Variants in HGFAC observed in about 807,000 individuals in gnomAD.
The protein encoded by HGFAC is HGF activator.
HGFAC carries 76 observed loss-of-function variants against 70.6 expected under a neutral mutation model. That is an observed-to-expected ratio of 1.08 (90% CI 0.89 to 1.30). The LOEUF (loss-of-function observed/expected upper bound fraction) is 1.30. Among genes scored for constraint, HGFAC ranks in the 50% most tolerant of loss-of-function variants. HGFAC has a pLI of 0.00. For synonymous variants in HGFAC, 464 were observed against 405.3 expected, an observed-to-expected ratio of 1.14 and a Z score of -1.74; for missense variants, 1,044 against 933.7, an observed-to-expected ratio of 1.12 and a Z score of -1.54.
rs751464206 is a variant in HGFAC, at chr4:3,447,522, G to C, written c.1386G>C (p.Leu462=). The part of the protein sequence containing the change: ...SPPRDSVSVV[L]GQHFFNRTTD... ...CCAGGGACAGCGTCTCCGTGGTGCT[G>C]GGCCAGCACTTCTTCAACCGCACGA... The change falls in exon 11 of 14, where the codon CTG becomes CTC. Residue 462 remains leucine (L), a synonymous_variant. Transcript: ENST00000382774. The C allele has an allele frequency of 6.2e-6, 10 of 1,612,562 alleles. No homozygotes were observed. In the African/African-American group the frequency reaches 8.0e-5, roughly 13 times the overall value.
chr4:3,443,092 A>G lies in HGFAC; in HGVS notation c.341A>G (p.Tyr114Cys). The change falls in exon 3 of 14, where the codon TAC (tyrosine) becomes TGC (cysteine). Residue 114 changes from tyrosine (Y) to cysteine (C), a missense_variant. Coordinates refer to ENST00000382774, the MANE Select transcript of HGFAC (RefSeq NM_001528.4). ...AGGCCCTGCAGGTTCCCCTTCCGCTACGGGGGCCGCATGCTGCATGCCTGC... is the reference window on the plus strand; with the variant it reads ...AGGCCCTGCAGGTTCCCCTTCCGCTGCGGGGGCCGCATGCTGCATGCCTGC... ...DGRPCRFPFR[Y>C]GGRMLHACTS... The G allele has an allele frequency of 6.3e-7, 1 of 1,598,496 alleles. No homozygotes were observed. Among genetic ancestry groups the G allele is most frequent in the South Asian group, 1.1e-5 (1 of 90,460 alleles).
intron 2 of HGFAC, 67 bp downstream of exon 2, chr4:3,442,979 TG>T: frequency 1.3e-6 from 2 of 1,548,264 alleles, no homozygotes; most frequent in South Asian, 2.3e-5. Flanking sequence ...GGAGCATGGC[TG>T]CGGCTGGAGG....
intron 2 of HGFAC, 29 bp from the exon 3 acceptor site, chr4:3,443,021 G>T: frequency 6.4e-6 from 10 of 1,566,942 alleles, no homozygotes; most frequent in Non-Finnish European, 8.7e-6. Context: ...CCTCGAGGGA[G>T]CCCTGACCCT....
chr4:3,445,062 C>G lies in HGFAC; in HGVS notation c.1016+69C>G, dbSNP rs529061927. On this transcript the variant is annotated intron_variant, in intron 8 of 13. Transcript: ENST00000382774. Reference sequence around the variant, plus strand: ...GGATTTGTCCTGGGGAGAGGCCCCCCGGCTCCCTAGGACCCAGGCGGGGCC... The same window carrying G: ...GGATTTGTCCTGGGGAGAGGCCCCCGGGCTCCCTAGGACCCAGGCGGGGCC... 864 of 1,454,962 alleles carry G rather than the reference C, an allele frequency of 5.9e-4. 36 individuals carry two copies. The South Asian group carries it at 0.011, about 18-fold the overall frequency. 90.1% of individuals were successfully genotyped at this position (1,454,962 alleles called of 1,614,324 possible).
Position 3,443,091 on chromosome 4 carries a change from T to C in HGFAC, c.340T>C (p.Tyr114His). ...GAGGCCCTGCAGGTTCCCCTTCCGC[T>C]ACGGGGGCCGCATGCTGCATGCCTG... ...DGRPCRFPFR[Y>H]GGRMLHACTS... Residue 114 changes from tyrosine to histidine, a missense_variant, in exon 3 of 14, where the codon TAC becomes CAC. By Grantham distance (83) the Tyr-to-His change is moderately conservative. Coordinates refer to ENST00000382774, the MANE Select transcript of HGFAC (RefSeq NM_001528.4). 6 of 1,598,768 alleles carry C rather than the reference T, an allele frequency of 3.8e-6. No individual in the cohort carries two copies. The highest frequency in any genetic ancestry group is 5.1e-6 in the Non-Finnish European group (6 of 1,178,122).
Position 3,447,437 on chromosome 4 carries a change from A to G in HGFAC, c.1356-55A>G. 2.5e-6 allele frequency: 4 copies of G among 1,600,480 alleles called. No individual in the cohort carries two copies. The South Asian group carries it at 4.4e-5, about 18-fold the overall frequency. On this transcript the variant is annotated intron_variant, in intron 10 of 13. Transcript: ENST00000382774. ...GCCTGACAGGGGGTGGGGAGAGGTGAGCCCGGTGGCTGGGGGAGGGCTGGT... is the reference window on the plus strand; with the variant it reads ...GCCTGACAGGGGGTGGGGAGAGGTGGGCCCGGTGGCTGGGGGAGGGCTGGT...
At chr4:3,441,156 G>A (rs999748803), upstream of HGFAC, among the ~76,000 whole-genome samples, 3 of 152,154 alleles carry the variant, frequency 2.0e-5, no homozygotes, top group East Asian at 1.9e-4. The surrounding 1 kb of genome is among the most constrained non-coding windows in gnomAD (Gnocchi z 6.0). Context: ...CACGAATTCC[G>A]TGACTCCAGC....
chr4:3,442,228 C>G, intron 1 of HGFAC, 110 bp downstream of exon 1: 1 of 794,240 alleles, frequency 1.3e-6, no homozygotes, highest in Non-Finnish European at 2.0e-6. Context: ...TTTGAGGGGG[C>G]GGGGGTCCGA....
rs1310776456 is a variant in HGFAC at position 3,444,898 on chromosome 4, C to T, written c.921C>T (p.Cys307=). ...GCACCTCAGCCTCGGGCCTCAGCTG[C>T]CTGGCCTGGAACTCCGATCTGCTCT... The part of the protein sequence containing the change: ...VASTSASGLS[C]LAWNSDLLYQ... Residue 307 remains cysteine, a synonymous_variant, in exon 8 of 14, where the codon TGC becomes TGT. Transcript: ENST00000382774. 6.2e-7 allele frequency: 1 copy of T among 1,609,324 alleles called. No homozygotes were observed. The highest frequency in any genetic ancestry group is 2.2e-5 in the East Asian group (1 of 44,790).
In HGFAC at chr4:3,447,649, G is replaced by C; in HGVS notation, c.1495+18G>C. ...CGACCTCGGTGAGCTCCGGCGTGTC[G>C]TGGCTGCACTCTGGGCAGGTGGGCC... On this transcript the variant is annotated intron_variant, in intron 11 of 13. Transcript: ENST00000382774. 1 of 1,611,654 alleles carries C rather than the reference G, an allele frequency of 6.2e-7. No homozygotes were observed. The highest frequency in any genetic ancestry group is 2.2e-5 in the East Asian group (1 of 44,848).
At chr4:3,444,587 G>T in intron 6 of HGFAC, 36 bp from the exon 7 acceptor site, 1 of 1,546,720 alleles carries the variant, frequency 6.5e-7, no homozygotes, top group Non-Finnish European at 8.7e-7. Flanking sequence ...GGGGCACTGC[G>T]CGGCCCCTGG....
chr4:3,442,938 G>A (rs1302215775), intron 2 of HGFAC, 26 bp downstream of exon 2: 1 of 1,558,554 alleles, frequency 6.4e-7, no homozygotes, highest in Non-Finnish European at 8.7e-7. Flanking sequence ...CTGGGAGGAG[G>A]TGTCGTGCTT....
At chr4:3,448,433 G>C (rs1725609614) in intron 13 of HGFAC, among the ~76,000 whole-genome samples, 157 bp downstream of exon 13, 1 of 152,128 alleles carries the variant, frequency 6.6e-6, no homozygotes, top group Non-Finnish European at 1.5e-5. Flanking sequence ...CTTACTGTCG[G>C]TGGCCAGCAC....
chr4:3,443,343 G>A lies in HGFAC; in HGVS notation c.398G>A (p.Cys133Tyr). ...TSEGSAHRKW[C>Y]ATTHNYDRDR... ...TGCACGCAGGTGTCGCCCCCCAGGT[G>A]TGCCACAACTCACAACTACGACCGG... The change falls in exon 4 of 14, where the codon TGT becomes TAT. Residue 133 changes from cysteine (C) to tyrosine (Y), a missense_variant and splice_region_variant. Transcript: ENST00000382774. 1.3e-6 allele frequency: 2 copies of A among 1,542,410 alleles called. No homozygotes were observed. The highest frequency in any genetic ancestry group is 1.7e-6 in the Non-Finnish European group (2 of 1,143,008).
chr4:3,445,922 G>C, intron 9 of HGFAC, 120 bp from the exon 10 acceptor site: 2 of 1,553,156 alleles, frequency 1.3e-6, no homozygotes, highest in Non-Finnish European at 1.7e-6. Context: ...GGCCTGAGCA[G>C]CGTGGACAGG....
rs748006879 is a variant in HGFAC at position 3,444,908 on chromosome 4, A to G, written c.931A>G (p.Asn311Asp). Residue 311 changes from asparagine to aspartate, a missense_variant, in exon 8 of 14, where the codon AAC (asparagine) becomes GAC (aspartate). Asn to Asp is a conservative substitution (Grantham distance 23, BLOSUM62 1). Transcript: ENST00000382774. The part of the protein sequence containing the change: ...SASGLSCLAW[N>D]SDLLYQELHV... ...CTCGGGCCTCAGCTGCCTGGCCTGG[A>G]ACTCCGATCTGCTCTACCAGGAGCT... 3 of 1,609,552 alleles carry G rather than the reference A, an allele frequency of 1.9e-6. No individual in the cohort carries two copies. Among genetic ancestry groups the G allele is most frequent in the Non-Finnish European group, 2.5e-6 (3 of 1,178,760 alleles).
In HGFAC at chr4:3,448,052, G is replaced by T. The variant is rs906412517; in HGVS notation, c.1636+17G>T. 1.9e-6 allele frequency: 3 copies of T among 1,553,294 alleles called. No homozygotes were observed. In the African/African-American group the frequency reaches 4.1e-5, roughly 21 times the overall value. ...TGGATGAGAGTGAGTTGGGAGGGGG[G>T]CGCCCAGCGCCCCGCCAGGGTGGAC... On this transcript the variant is annotated intron_variant, in intron 12 of 13. Coordinates refer to ENST00000382774, the MANE Select transcript of HGFAC (RefSeq NM_001528.4).
At chr4:3,441,576 G>A (rs1021716997), upstream of HGFAC, among the ~76,000 whole-genome samples, 1 of 152,226 alleles carries the variant, frequency 6.6e-6, no homozygotes, top group Admixed American at 6.5e-5. This position sits in a 1 kb window ranked among gnomAD's most constrained non-coding sequence, Gnocchi z 6.0. Context: ...TGGGCACAGA[G>A]CTGGACACCT....
In HGFAC at chr4:3,444,852, C is replaced by G; in HGVS notation, c.875C>G (p.Thr292Ser). 6.2e-7 allele frequency: 1 copy of G among 1,604,374 alleles called. No homozygotes were observed. The highest frequency in any genetic ancestry group is 8.5e-7 in the Non-Finnish European group (1 of 1,176,052). The change falls in exon 8 of 14, where the codon ACT becomes AGT. Residue 292 changes from threonine (T) to serine (S), a missense_variant. Transcript: ENST00000382774. The stretch of plus-strand genomic sequence containing the variant: ...GAGCGCTGCTTCTTGGGGAACGGCA[C>G]TGGGTACCGTGGCGTGGCCAGCACC... ...PDERCFLGNGTGYRGVASTSA... is the reference protein window; with the variant it reads ...PDERCFLGNGSGYRGVASTSA...
Sources: gnomAD v4.1 joint callset for allele counts (sites outside exome capture counted in the v4.1 genomes callset) on GRCh38, gnomAD v4.1.1 for gene constraint, Gnocchi (gnomAD v3.1) non-coding constraint, MANE v1.5 for transcripts, NCBI Gene and HGNC (gene_info 2026-07-23, HGNC 2026-07-21) for gene names.